PCDHGA11: variants seen among roughly 807,000 people sequenced by gnomAD.
PCDHGA11 encodes protocadherin gamma-A11.
In PCDHGA11, 39 loss-of-function variants were observed where a neutral mutation model predicts 60.4. That is an observed-to-expected ratio of 0.65 (90% CI 0.50 to 0.84). PCDHGA11 has a LOEUF of 0.84. Among genes scored for constraint, PCDHGA11 ranks in the 40% least tolerant of loss-of-function variants. PCDHGA11 has a pLI of 0.00. For missense variants in PCDHGA11, 1,165 were observed against 1,197.7 expected, an observed-to-expected ratio of 0.97 and a Z score of 0.40; for synonymous variants, 533 against 510.3, an observed-to-expected ratio of 1.04 and a Z score of -0.60.
intron 1 of PCDHGA11, among the ~76,000 whole-genome samples, chr5:141,469,568 T>C (rs942597017): frequency 6.6e-6 from 1 of 152,184 alleles, no homozygotes. Flanking sequence ...AGTGAGACTC[T>C]GTCTCTAAAT....
chr5:141,452,584 T>C (rs992607928), intron 1 of PCDHGA11, among the ~76,000 whole-genome samples: 1 of 152,182 alleles, frequency 6.6e-6, no homozygotes, highest in Non-Finnish European at 1.5e-5. Context: ...TTTCCATCTT[T>C]GTATTTTTAT....
chr5:141,423,415 G>A lies in PCDHGA11; in HGVS notation c.2188G>A (p.Glu730Lys), dbSNP rs779262475. 6.4e-5 allele frequency: 103 copies of A among 1,614,016 alleles called. No homozygotes were observed. The highest frequency in any genetic ancestry group is 1.2e-4 in the African/African-American group (9 of 74,952). Residue 730 changes from glutamate to lysine, a missense_variant, in exon 1 of 4, where the codon GAA becomes AAA. Transcript: ENST00000398587. ...WHKSRLLQASEGGLAGMPTSH... is the reference protein window; with the variant it reads ...WHKSRLLQASKGGLAGMPTSH... Reference sequence around the variant, plus strand: ...TAAGTCACGCCTGCTGCAGGCTTCTGAAGGCGGGTTGGCAGGTATGCCCAC... The same window carrying A: ...TAAGTCACGCCTGCTGCAGGCTTCTAAAGGCGGGTTGGCAGGTATGCCCAC...
In PCDHGA11 at chr5:141,422,090, AGGCTTCTGAAATATTCCAATT is replaced by A. The variant is rs1561798894; in HGVS notation, c.866_886del (p.Ala289_Leu295del). ...TATTCATTTCGGAACATGGAAAGCA[AGGCTTCTGAAATATTCCAATT>A]GGATTCACAAACTGGAGAAGTTCAA... is the stretch of plus-strand genomic sequence containing the variant. On this transcript the variant is annotated inframe_deletion, in exon 1 of 4. Coordinates refer to ENST00000398587, the MANE Select transcript of PCDHGA11 (RefSeq NM_018914.3). 6.8e-6 allele frequency: 11 copies of A among 1,611,852 alleles called. No homozygotes were observed. The highest frequency in any genetic ancestry group is 9.3e-6 in the Non-Finnish European group (11 of 1,179,286).
chr5:141,421,513 C>G lies in PCDHGA11; in HGVS notation c.286C>G (p.Leu96Val), dbSNP rs368199651. ...GGCAGGCAGGATAGACCGGGAGGAG[C>G]TCTGTGAGACGGTGTCCTCCTGTTT... ...ITAGRIDREE[L>V]CETVSSCFLN... is the part of the protein sequence containing the mutation. The change falls in exon 1 of 4, where the codon CTC becomes GTC. Residue 96 changes from leucine to valine, a missense_variant. Leu to Val is a conservative substitution (Grantham distance 32). Coordinates refer to ENST00000398587, the MANE Select transcript of PCDHGA11 (RefSeq NM_018914.3). 61 of 1,614,078 alleles carry G rather than the reference C, an allele frequency of 3.8e-5. No individual in the cohort carries two copies. The African/African-American group carries it at 7.5e-4, about 20-fold the overall frequency.
Position 141,432,771 on chromosome 5 carries a change from T to G in PCDHGA11, c.2433+9111T>G. The G allele has an allele frequency of 6.2e-7, 1 of 1,614,006 alleles. No homozygotes were observed. The highest frequency in any genetic ancestry group is 8.5e-7 in the Non-Finnish European group (1 of 1,179,966). On this transcript the variant is annotated intron_variant, in intron 1 of 3. Coordinates refer to ENST00000398587, the MANE Select transcript of PCDHGA11 (RefSeq NM_018914.3). This position sits in a 1 kb window ranked among gnomAD's most constrained non-coding sequence, Gnocchi z 6.0. ...GCCGTGGCCGACAGCATCCCCCAAG[T>G]CCTGGCGGACCTCGGCAGCCTCGAG...
Position 141,431,721 on chromosome 5 carries a change from C to T in PCDHGA11, c.2433+8061C>T. The T allele has an allele frequency of 1.2e-6, 2 of 1,614,246 alleles. No homozygotes were observed. Among genetic ancestry groups the T allele is most frequent in the Non-Finnish European group, 1.7e-6 (2 of 1,180,044 alleles). On this transcript the variant is annotated intron_variant, in intron 1 of 3. Transcript: ENST00000398587. The surrounding 1 kb of genome is among the most constrained non-coding windows in gnomAD (Gnocchi z 4.8). ...GGATTCTACCAGATGGAAGTGCAAGCAATGGATAATGCAGGATATTCTGCG... is the reference window on the plus strand; with the variant it reads ...GGATTCTACCAGATGGAAGTGCAAGTAATGGATAATGCAGGATATTCTGCG...
rs767577725 is a variant in PCDHGA11, at chr5:141,485,642, G to C, written c.2434-9165G>C. On this transcript the variant is annotated intron_variant, in intron 1 of 3. Transcript: ENST00000398587. This position sits in a 1 kb window ranked among gnomAD's most constrained non-coding sequence, Gnocchi z 5.7. ...AGGACAGCGTTTCCCGTTGGAAAAGGCTCAGGATGCAGATGTGGGGAGCAA... is the reference window on the plus strand; with the variant it reads ...AGGACAGCGTTTCCCGTTGGAAAAGCCTCAGGATGCAGATGTGGGGAGCAA... 2 of 1,612,044 alleles carry C rather than the reference G, an allele frequency of 1.2e-6. No individual in the cohort carries two copies. The highest frequency in any genetic ancestry group is 8.5e-7 in the Non-Finnish European group (1 of 1,178,592).
chr5:141,460,126 T>TC (rs2098982804), intron 1 of PCDHGA11, among the ~76,000 whole-genome samples: 1 of 151,986 alleles, frequency 6.6e-6, no homozygotes, highest in South Asian at 2.1e-4. Context: ...ATATATGTAA[T>TC]ATATATATTC....
In PCDHGA11 at chr5:141,511,259, A is replaced by G; in HGVS notation, c.*86A>G. On this transcript the variant is annotated 3_prime_UTR_variant, in exon 4 of 4. Transcript: ENST00000398587. ...ACCTGCACCCAGGCCTCAGAGTTTCAGGGCTAACCCCCAGAATACTGGTAG... is the reference window on the plus strand; with the variant it reads ...ACCTGCACCCAGGCCTCAGAGTTTCGGGGCTAACCCCCAGAATACTGGTAG... 1.3e-6 allele frequency: 2 copies of G among 1,559,840 alleles called. No individual in the cohort carries two copies. The highest frequency in any genetic ancestry group is 1.7e-6 in the Non-Finnish European group (2 of 1,152,466).
chr5:141,476,054 A>T lies in PCDHGA11; in HGVS notation c.2434-18753A>T. The T allele has an allele frequency of 3.3e-6, 5 of 1,504,982 alleles. No homozygotes were observed. The highest frequency in any genetic ancestry group is 4.4e-6 in the Non-Finnish European group (5 of 1,134,040). 93.2% of individuals were successfully genotyped at this position (1,504,982 alleles called of 1,614,324 possible). A position where few individuals can be genotyped will look rare whatever the true frequency, so the allele number is the denominator to read the frequency against. ...AGCGCCCAAGCGCTAACCCGCTGAA[A>T]GTTTCTCAGCGAAATCTCAGGGACG... On this transcript the variant is annotated intron_variant, in intron 1 of 3. Coordinates refer to ENST00000398587, the MANE Select transcript of PCDHGA11 (RefSeq NM_018914.3). The surrounding 1 kb of genome is among the most constrained non-coding windows in gnomAD (Gnocchi z 7.6).
rs1303365585 is a variant in PCDHGA11 at position 141,511,350 on chromosome 5, C to A, written c.*177C>A. 2.1e-5 allele frequency: 30 copies of A among 1,397,076 alleles called. No individual in the cohort carries two copies. Among genetic ancestry groups the A allele is most frequent in the African/African-American group, 1.7e-4 (12 of 68,780 alleles). The allele number at this position is 1,397,076 out of a possible 1,614,324, so 86.5% of individuals were successfully genotyped here. Reference sequence around the variant, plus strand: ...CCCAGTCAGCACCTACCCCTTCCCCCCCAGGGGGTTGAATATGCAAAAGCA... The same window carrying A: ...CCCAGTCAGCACCTACCCCTTCCCCACCAGGGGGTTGAATATGCAAAAGCA... On this transcript the variant is annotated 3_prime_UTR_variant, in exon 4 of 4. Transcript: ENST00000398587.
intron 1 of PCDHGA11, among the ~76,000 whole-genome samples, chr5:141,433,664 C>G (rs1027404017): frequency 6.6e-6 from 1 of 151,966 alleles, no homozygotes; most frequent in South Asian, 2.1e-4. Flanking sequence ...GGAGAAACCC[C>G]GTCTATACTA....
At chr5:141,433,129 C>T in intron 1 of PCDHGA11, 1 of 1,614,130 alleles carries the variant, frequency 6.2e-7, no homozygotes, top group Non-Finnish European at 8.5e-7. Context: ...AAAGCGAGCC[C>T]CTTTTGCTGT....
At chr5:141,483,648 TTGTGTGTGTG>T (rs111458813) in intron 1 of PCDHGA11, among the ~76,000 whole-genome samples, 35 of 149,708 alleles carry the variant, frequency 2.3e-4, no homozygotes, top group Non-Finnish European at 4.6e-4. Flanking sequence ...GGGTGTGTGT[TTGTGTGTGTG>T]TGTGTGTGTG....
chr5:141,430,933 G>C (rs2097327058), intron 1 of PCDHGA11: 1 of 1,607,608 alleles, frequency 6.2e-7, no homozygotes, highest in East Asian at 2.2e-5. Flanking sequence ...AGCCCCGGGA[G>C]CTCGCGGAGC....
chr5:141,486,909 C>T lies in PCDHGA11; in HGVS notation c.2434-7898C>T, dbSNP rs759702188. ...CGGCCTGGTTCCTTATGTCCCCAAGCACTGCCTCCATCAGTTGGTGCTGGC... is the reference window on the plus strand; with the variant it reads ...CGGCCTGGTTCCTTATGTCCCCAAGTACTGCCTCCATCAGTTGGTGCTGGC... On this transcript the variant is annotated intron_variant, in intron 1 of 3. Transcript: ENST00000398587. This position sits in a 1 kb window ranked among gnomAD's most constrained non-coding sequence, Gnocchi z 5.0. 2 of 1,614,262 alleles carry T rather than the reference C, an allele frequency of 1.2e-6. No homozygotes were observed. Among genetic ancestry groups the T allele is most frequent in the Non-Finnish European group, 1.7e-6 (2 of 1,180,054 alleles).
At chr5:141,506,805 G>A (rs1314432893) in intron 3 of PCDHGA11, among the ~76,000 whole-genome samples, 1 of 152,172 alleles carries the variant, frequency 6.6e-6, no homozygotes, top group African/African-American at 2.4e-5. Flanking sequence ...GAGGATCAAG[G>A]CATTGCCCTA....
rs754191783 is a variant in PCDHGA11 at position 141,421,801 on chromosome 5, A to G, written c.574A>G (p.Asn192Asp). ...QLRGRTDGAK[N>D]PELVLEGSLD... is the part of the protein sequence containing the mutation. ...GCGGGGCAGAACGGATGGGGCCAAG[A>G]ATCCAGAGCTAGTACTGGAGGGAAG... Residue 192 changes from asparagine (N) to aspartate (D), a missense_variant, in exon 1 of 4, where the codon AAT becomes GAT. Transcript: ENST00000398587. 6.2e-7 allele frequency: 1 copy of G among 1,613,858 alleles called. No homozygotes were observed. The highest frequency in any genetic ancestry group is 1.6e-4 in the Middle Eastern group (1 of 6,062).
intron 1 of PCDHGA11, among the ~76,000 whole-genome samples, chr5:141,457,459 C>G (rs749463185): frequency 1.6e-4 from 24 of 152,166 alleles, no homozygotes; most frequent in Non-Finnish European, 3.4e-4. Context: ...CCACTTGATT[C>G]ACAGGAATAA....
Sources: allele counts gnomAD v4.1 joint callset (sites outside exome capture counted in the v4.1 genomes callset), GRCh38; gene constraint gnomAD v4.1.1; non-coding constraint Gnocchi (gnomAD v3.1); transcripts MANE v1.5; gene names NCBI Gene and HGNC (gene_info 2026-07-23, HGNC 2026-07-21).